Variants in ZNF814 observed in about 807,000 individuals in gnomAD.
The protein encoded by ZNF814 is zinc finger protein 814.
ZNF814 carries 5 observed loss-of-function variants against 7.5 expected under a neutral mutation model. The ratio of observed to expected loss-of-function variants is 0.67; its 90% CI spans 0.35 to 1.40. ZNF814 has a LOEUF of 1.40. Ranked by LOEUF, ZNF814 falls within the 40% of genes most tolerant of loss-of-function variation. ZNF814 has a pLI of 0.04. For synonymous variants in ZNF814, 315 were observed against 340.7 expected (o/e 0.92, Z 0.83); for missense variants, 962 against 1,018.0 (o/e 0.94, Z 0.75).
chr19:57,882,732 T>C (rs2071658579), intron 1 of ZNF814, among the ~76,000 whole-genome samples: 1 of 147,554 alleles, frequency 6.8e-6, no homozygotes, highest in African/African-American at 2.6e-5. Flanking sequence ...TAGATTCAGC[T>C]TAGATCACAA....
At chr19:57,882,714 C>T (rs1218194941) in intron 1 of ZNF814, among the ~76,000 whole-genome samples, 5 of 140,890 alleles carry the variant, frequency 3.5e-5, no homozygotes, top group South Asian at 2.1e-4. Context: ...GTGGGGTTCC[C>T]GCTGAAGTAG....
At position 57,872,936 on chromosome 19, in the gene ZNF814, G is replaced by A; in HGVS notation, c.2454C>T (p.His818=). Residue 818 remains histidine, a synonymous_variant, in exon 3 of 3, where the codon CAC becomes CAT. Transcript: ENST00000435989. The part of the protein sequence containing the change: ...SFAESSSLTK[H]KRVHTGEKPY... Reference sequence around the variant, plus strand: ...GCTTTTCTCCAGTGTGAACTCTCTTGTGTTTAGTGAGACTGGAGCTTTCAG... The same window carrying A: ...GCTTTTCTCCAGTGTGAACTCTCTTATGTTTAGTGAGACTGGAGCTTTCAG... The A allele has an allele frequency of 6.2e-7, 1 of 1,613,238 alleles. No homozygotes were observed. The highest frequency in any genetic ancestry group is 1.7e-4 in the Middle Eastern group (1 of 6,050).
the ZNF814 span, among the ~76,000 whole-genome samples, chr19:57,897,830 A>C: frequency 2.0e-5 from 3 of 152,224 alleles, no homozygotes; most frequent in Non-Finnish European, 4.4e-5. Context: ...TAATTATGCC[A>C]GAGAGATTCA....
rs1442367853 is a variant in ZNF814, at chr19:57,871,173, C to T, written c.*1649G>A. ...ATTGCAAGAGCTGGGCAACAGACTT[C>T]CCTCAGCCGTACCAAGTACAATGCA... On this transcript the variant is annotated 3_prime_UTR_variant, in exon 3 of 3. Transcript: ENST00000435989. 5.3e-5 allele frequency: 8 copies of T among 152,146 alleles called. 1 individual carries two copies. The East Asian group carries it at 5.8e-4, about 11-fold the overall frequency. 9.4% of individuals were successfully genotyped at this position (152,146 alleles called of 1,614,324 possible).
At chr19:57,892,757 T>C (rs1262710896), upstream of ZNF814, among the ~76,000 whole-genome samples, 3 of 152,160 alleles carry the variant, frequency 2.0e-5, no homozygotes, top group Non-Finnish European at 4.4e-5. Flanking sequence ...GGGGGGGGCT[T>C]CTCTGGCCTC....
Position 57,873,125 on chromosome 19 carries a change from G to A in ZNF814, c.2265C>T (p.His755=). Residue 755 remains histidine, a synonymous_variant, in exon 3 of 3, where the codon CAC becomes CAT. Coordinates refer to ENST00000435989, the MANE Select transcript of ZNF814 (RefSeq NM_001144989.2). ...GCTTATGAACACAGAATGTAGAGCT[G>A]TGGGTAAATGATTTTCCACAATCAT... ...ECNDCGKSFT[H]SSTFCVHKRI... is the part of the protein sequence containing the mutation. The A allele has an allele frequency of 6.2e-7, 1 of 1,613,398 alleles. No homozygotes were observed. Among genetic ancestry groups the A allele is most frequent in the Non-Finnish European group, 8.5e-7 (1 of 1,179,790 alleles).
chr19:57,898,954 A>G, the ZNF814 span, among the ~76,000 whole-genome samples: 3 of 151,514 alleles, frequency 2.0e-5, no homozygotes, highest in East Asian at 1.9e-4. Flanking sequence ...AAAAAAAAAA[A>G]AAAGAAAAGA....
chr19:57,888,375 C>G (rs976786371), intron 1 of ZNF814, among the ~76,000 whole-genome samples: 1 of 152,152 alleles, frequency 6.6e-6, no homozygotes, highest in African/African-American at 2.4e-5. Flanking sequence ...ATGCATGGAC[C>G]TGATTATCTC....
Position 57,871,400 on chromosome 19 carries a change from A to T in ZNF814, c.*1422T>A, listed in dbSNP as rs1256265546. 1 of 152,222 alleles carries T rather than the reference A, an allele frequency of 6.6e-6. No individual in the cohort carries two copies. The highest frequency in any genetic ancestry group is 1.5e-5 in the Non-Finnish European group (1 of 68,054). The allele number at this position is 152,222 out of a possible 1,614,324, so 9.4% of individuals were successfully genotyped here. On this transcript the variant is annotated 3_prime_UTR_variant, in exon 3 of 3. Coordinates refer to ENST00000435989, the MANE Select transcript of ZNF814 (RefSeq NM_001144989.2). ...ACAAGTGGAGAAAGCTACATTCTGC[A>T]TTCATACTGTTCCATGAGCCACAAA...
the ZNF814 span, among the ~76,000 whole-genome samples, chr19:57,902,994 T>C: frequency 6.6e-6 from 1 of 152,122 alleles, no homozygotes; most frequent in African/African-American, 2.4e-5. Context: ...TATTACTCTT[T>C]ACATAAATAC....
Position 57,869,850 on chromosome 19 carries a change from CAGG to C in ZNF814, c.*2969_*2971del, listed in dbSNP as rs928335898. The C allele has an allele frequency of 2.0e-5, 3 of 150,672 alleles. No individual in the cohort carries two copies. Among genetic ancestry groups the C allele is most frequent in the East Asian group, 1.9e-4 (1 of 5,170 alleles). 9.3% of individuals were successfully genotyped at this position (150,672 alleles called of 1,614,324 possible). ...GTCCCACCTACATGGGAGGCTGAGC[CAGG>C]AGAATTGCTTGAACCTAGGAGGTAG... On this transcript the variant is annotated 3_prime_UTR_variant, in exon 3 of 3. Transcript: ENST00000435989.
chr19:57,886,790 G>A (rs2071697286), intron 1 of ZNF814, among the ~76,000 whole-genome samples: 1 of 151,814 alleles, frequency 6.6e-6, no homozygotes, highest in African/African-American at 2.4e-5. Context: ...TGAAACAAGA[G>A]AATCTCTTGA....
In ZNF814 at chr19:57,871,329, C is replaced by T. The variant is rs896766182; in HGVS notation, c.*1493G>A. Reference sequence around the variant, plus strand: ...TGCTACAGATAAAGACCACAAAGCCCTGAAGGTCTTCTCTGGAGGCCTCTG... The same window carrying T: ...TGCTACAGATAAAGACCACAAAGCCTTGAAGGTCTTCTCTGGAGGCCTCTG... On this transcript the variant is annotated 3_prime_UTR_variant, in exon 3 of 3. Coordinates refer to ENST00000435989, the MANE Select transcript of ZNF814 (RefSeq NM_001144989.2). The T allele has an allele frequency of 6.6e-6, 1 of 152,192 alleles. No homozygotes were observed. The highest frequency in any genetic ancestry group is 1.5e-5 in the Non-Finnish European group (1 of 68,050). The allele number at this position is 152,192 out of a possible 1,614,324, so 9.4% of individuals were successfully genotyped here.
chr19:57,873,116 T>C lies in ZNF814; in HGVS notation c.2274A>G (p.Thr758=). The C allele has an allele frequency of 3.1e-6, 5 of 1,613,842 alleles. No individual in the cohort carries two copies. Among genetic ancestry groups the C allele is most frequent in the African/African-American group, 1.3e-5 (1 of 75,010 alleles). Reference sequence around the variant, plus strand: ...TGTGAATTCGCTTATGAACACAGAATGTAGAGCTGTGGGTAAATGATTTTC... The same window carrying C: ...TGTGAATTCGCTTATGAACACAGAACGTAGAGCTGTGGGTAAATGATTTTC... ...DCGKSFTHSS[T]FCVHKRIHTG... The change falls in exon 3 of 3, where the codon ACA becomes ACG. Residue 758 remains threonine (T), a synonymous_variant. Coordinates refer to ENST00000435989, the MANE Select transcript of ZNF814 (RefSeq NM_001144989.2).
At chr19:57,905,031 G>T in the ZNF814 span, among the ~76,000 whole-genome samples, 1 of 129,204 alleles carries the variant, frequency 7.7e-6, no homozygotes, top group Non-Finnish European at 1.6e-5. Flanking sequence ...TGGGCAACAA[G>T]AGTGAAACTC....
Position 57,888,980 on chromosome 19 carries a change from A to C in ZNF814, c.-178T>G. 1 of 643,084 alleles carries C rather than the reference A, an allele frequency of 1.6e-6. No individual in the cohort carries two copies. The highest frequency in any genetic ancestry group is 2.7e-6 in the Non-Finnish European group (1 of 371,732). 39.8% of individuals were successfully genotyped at this position (643,084 alleles called of 1,614,324 possible). A position where few individuals can be genotyped will look rare whatever the true frequency, so the allele number is the denominator to read the frequency against. On this transcript the variant is annotated 5_prime_UTR_variant, in exon 1 of 3. Transcript: ENST00000435989. ...CCCGACTTCTGGGTTCAGTCACCACAGTGCGGACCTAGCGCTCAGGAGCCT... is the reference window on the plus strand; with the variant it reads ...CCCGACTTCTGGGTTCAGTCACCACCGTGCGGACCTAGCGCTCAGGAGCCT...
In ZNF814 at chr19:57,869,513, A is replaced by G. The variant is rs2122401733; in HGVS notation, c.*3309T>C. ...AAGCCTTTATAAAAAGGTTCCAAGT[A>G]AATATAAAGGTGTTAAGTTCATTAT... On this transcript the variant is annotated 3_prime_UTR_variant, in exon 3 of 3. Transcript: ENST00000435989. 1 of 152,286 alleles carries G rather than the reference A, an allele frequency of 6.6e-6. No individual in the cohort carries two copies. Among genetic ancestry groups the G allele is most frequent in the East Asian group, 1.9e-4 (1 of 5,190 alleles). 9.4% of individuals were successfully genotyped at this position (152,286 alleles called of 1,614,324 possible).
Position 57,888,803 on chromosome 19 carries a change from C to G in ZNF814, c.-1G>C. ...GCCTCAGCGTAGCCGCGGCAGCCAT[C>G]GAACCACGTGGTTTTAAGCAGAGTC... On this transcript the variant is annotated 5_prime_UTR_variant, in exon 1 of 3. Transcript: ENST00000435989. 1 of 1,551,874 alleles carries G rather than the reference C, an allele frequency of 6.4e-7. No homozygotes were observed. The highest frequency in any genetic ancestry group is 8.7e-7 in the Non-Finnish European group (1 of 1,147,102).
rs567660556 is a variant in ZNF814 at position 57,875,943 on chromosome 19, C to CTTT, written c.164-720_164-718dup. Among the ~76,000 whole-genome samples, 413 of 71,372 alleles carry CTTT rather than the reference C, an allele frequency of 5.8e-3. 35 individuals carry two copies. Among genetic ancestry groups the CTTT allele is most frequent in the Non-Finnish European group, 8.5e-3 (318 of 37,352 alleles). 46.8% of individuals were successfully genotyped at this position (71,372 alleles called of 152,430 possible). ...CTCCATGACCTCCTCCAGGGTGCCG[C>CTTT]TTTTTTTTTTTTTTTTTTTTTTTTT... On this transcript the variant is annotated intron_variant, in intron 2 of 2. Coordinates refer to ENST00000435989, the MANE Select transcript of ZNF814 (RefSeq NM_001144989.2).
Sources: gnomAD v4.1 joint callset for allele counts (sites outside exome capture counted in the v4.1 genomes callset) on GRCh38, gnomAD v4.1.1 for gene constraint, MANE v1.5 for transcripts, NCBI Gene and HGNC (gene_info 2026-07-23, HGNC 2026-07-21) for gene names.